The following SPCS2 variants were observed in gnomAD, a reference collection of about 807,000 sequenced individuals.
SPCS2 encodes the protein signal peptidase complex subunit 2.
SPCS2 carries 3 observed loss-of-function variants against 22.3 expected under a neutral mutation model. That is an observed-to-expected ratio of 0.13 (90% CI 0.06 to 0.35). The LOEUF is 0.35. Ranked by LOEUF, SPCS2 falls within the 10% of genes least tolerant of loss-of-function variation. The pLI, the probability that SPCS2 is intolerant of heterozygous loss-of-function variation, is 1.00. For synonymous variants in SPCS2, 67 were observed against 97.2 expected, an observed-to-expected ratio of 0.69 and a Z score of 1.83; for missense variants, 169 against 280.9, an observed-to-expected ratio of 0.60 and a Z score of 2.85.
intron 4 of SPCS2, among the ~76,000 whole-genome samples, chr11:74,973,496 A>G (rs1285002481): frequency 6.6e-6 from 1 of 152,242 alleles, no homozygotes; most frequent in Non-Finnish European, 1.5e-5. Flanking sequence ...TGCAATTAAT[A>G]AGAACAAATT....
chr11:74,966,215 C>T (rs1329627717), intron 3 of SPCS2, among the ~76,000 whole-genome samples: 2 of 152,084 alleles, frequency 1.3e-5, no homozygotes, highest in Non-Finnish European at 2.9e-5. Context: ...AATAGTGAAC[C>T]CAGCTCTTCT....
At chr11:74,953,215 TA>T (rs1451770144) in intron 1 of SPCS2, among the ~76,000 whole-genome samples, 1 of 150,956 alleles carries the variant, frequency 6.6e-6, no homozygotes, top group Non-Finnish European at 1.5e-5. Flanking sequence ...ACCTTTAATA[TA>T]ATTTTTTTTT....
chr11:74,971,311 A>G (rs1948582658), intron 4 of SPCS2, among the ~76,000 whole-genome samples: 1 of 152,146 alleles, frequency 6.6e-6, no homozygotes, highest in East Asian at 1.9e-4. Flanking sequence ...GTTGCTATAC[A>G]TATTTGTGTA....
chr11:74,970,009 A>G (rs1948574394), intron 4 of SPCS2, among the ~76,000 whole-genome samples: 1 of 152,230 alleles, frequency 6.6e-6, no homozygotes, highest in Admixed American at 6.5e-5. Context: ...TCTTTGAAGA[A>G]TTCCATTAGC....
At chr11:74,971,763 C>T (rs957023136) in intron 4 of SPCS2, among the ~76,000 whole-genome samples, 3 of 152,192 alleles carry the variant, frequency 2.0e-5, no homozygotes, top group Non-Finnish European at 4.4e-5. Context: ...TGTCACTCCC[C>T]AGCAAATTCA....
At chr11:74,953,246 G>C (rs1027231444) in intron 1 of SPCS2, among the ~76,000 whole-genome samples, 1 of 150,222 alleles carries the variant, frequency 6.7e-6, no homozygotes, top group Admixed American at 6.6e-5. Flanking sequence ...ACAGAGTCTC[G>C]ATTTGTCGCA....
chr11:74,959,296 CTGTTTTCACTG>C (rs1948497136), intron 1 of SPCS2, among the ~76,000 whole-genome samples: 1 of 152,200 alleles, frequency 6.6e-6, no homozygotes, highest in Non-Finnish European at 1.5e-5. Flanking sequence ...TGCATAACTT[CTGTTTTCACTG>C]TGATTAAAAT....
intron 4 of SPCS2, among the ~76,000 whole-genome samples, chr11:74,975,362 TA>T (rs1165798605): frequency 1.3e-5 from 2 of 152,178 alleles, no homozygotes; most frequent in African/African-American, 2.4e-5. Flanking sequence ...CTTCTTTTTT[TA>T]TACTGTCTGT....
intron 1 of SPCS2, among the ~76,000 whole-genome samples, chr11:74,959,741 G>A (rs113663577): frequency 0.041 from 6,282 of 152,104 alleles, 436 homozygotes; most frequent in African/African-American, 0.14. Context: ...CTATCCCTTT[G>A]AGTGTGGTGA....
intron 1 of SPCS2, among the ~76,000 whole-genome samples, chr11:74,953,864 T>C (rs1948460879): frequency 6.6e-6 from 1 of 152,230 alleles, no homozygotes; most frequent in African/African-American, 2.4e-5. Context: ...TGATATGTGG[T>C]GTTAAACCAT....
chr11:74,978,085 G>A lies in SPCS2; in HGVS notation c.*1042G>A, dbSNP rs1172637548. The stretch of plus-strand genomic sequence containing the variant: ...ACTGGGATTCAAACCTGGGGAGTCC[G>A]GCTTCAGAGTTTGTGGTCCTGCAGA... On this transcript the variant is annotated 3_prime_UTR_variant, in exon 5 of 5. Coordinates refer to ENST00000263672, the MANE Select transcript of SPCS2 (RefSeq NM_014752.3). The A allele has an allele frequency of 5.3e-5, 8 of 152,138 alleles. No homozygotes were observed. The highest frequency in any genetic ancestry group is 2.1e-4 in the South Asian group (1 of 4,824). The allele number at this position is 152,138 out of a possible 1,614,324, so 9.4% of individuals were successfully genotyped here. A position where few individuals can be genotyped will look rare whatever the true frequency, so the allele number is the denominator to read the frequency against.
At chr11:74,969,110 G>A (rs867244630) in intron 3 of SPCS2, among the ~76,000 whole-genome samples, 3 of 152,116 alleles carry the variant, frequency 2.0e-5, no homozygotes, top group South Asian at 2.1e-4. Context: ...GGAAGTAATC[G>A]TAGTACTATT....
intron 3 of SPCS2, among the ~76,000 whole-genome samples, 173 bp downstream of exon 3, chr11:74,966,096 CTG>C (rs1318191279): frequency 6.6e-6 from 1 of 152,146 alleles, no homozygotes; most frequent in Non-Finnish European, 1.5e-5. Context: ...TATATAGTAA[CTG>C]TCACTGATAT....
At chr11:74,967,222 T>C (rs1479517078) in intron 3 of SPCS2, among the ~76,000 whole-genome samples, 1 of 152,204 alleles carries the variant, frequency 6.6e-6, no homozygotes, top group Non-Finnish European at 1.5e-5. Flanking sequence ...CATCCCAGTA[T>C]GAATTTTTCA....
At chr11:74,949,503 G>A (rs1213247515) in intron 1 of SPCS2, 104 bp downstream of exon 1, 1 of 1,047,232 alleles carries the variant, frequency 9.5e-7, no homozygotes, top group Non-Finnish European at 1.4e-6. Flanking sequence ...GCCTTTTGAG[G>A]GGAGCCCTTG....
chr11:74,974,856 T>C (rs1240548560), intron 4 of SPCS2, among the ~76,000 whole-genome samples: 1 of 152,098 alleles, frequency 6.6e-6, no homozygotes, highest in Admixed American at 6.5e-5. Context: ...CCTCGTGATC[T>C]GCCCGCCTTG....
chr11:74,969,374 A>G (rs1948567802), intron 3 of SPCS2, among the ~76,000 whole-genome samples, 191 bp from the exon 4 acceptor site: 1 of 152,202 alleles, frequency 6.6e-6, no homozygotes, highest in Non-Finnish European at 1.5e-5. Context: ...AATTAACCAG[A>G]GAGAGCCTTG....
intron 4 of SPCS2, among the ~76,000 whole-genome samples, chr11:74,972,159 G>A (rs184615237): frequency 1.2e-3 from 183 of 151,978 alleles, no homozygotes; most frequent in Non-Finnish European, 2.2e-3. Context: ...CTCCTCATCC[G>A]GCTTCAAGTG....
In SPCS2 at chr11:74,978,903, A is replaced by ATT. The variant is rs547993291; in HGVS notation, c.*1867_*1868dup. The stretch of plus-strand genomic sequence containing the variant: ...CATGCAAACATGTGTCTCCACATAC[A>ATT]TTTTTTTTAACAAAAATTGAATTAT... On this transcript the variant is annotated 3_prime_UTR_variant, in exon 5 of 5. Transcript: ENST00000263672. 55 of 151,962 alleles carry ATT rather than the reference A, an allele frequency of 3.6e-4. No individual in the cohort carries two copies. Among genetic ancestry groups the ATT allele is most frequent in the African/African-American group, 1.2e-3 (48 of 41,450 alleles). The allele number at this position is 151,962 out of a possible 1,614,324, so 9.4% of individuals were successfully genotyped here.
Sources: allele counts gnomAD v4.1 joint callset (sites outside exome capture counted in the v4.1 genomes callset), GRCh38; gene constraint gnomAD v4.1.1; transcripts MANE v1.5; gene names NCBI Gene and HGNC (gene_info 2026-07-23, HGNC 2026-07-21).